PKN2: variants seen among roughly 807,000 people sequenced by gnomAD.
The protein encoded by PKN2 is serine/threonine-protein kinase N2.
PKN2 carries 38 observed loss-of-function variants against 119.1 expected under a neutral mutation model. The observed-to-expected ratio is 0.32, with a 90% CI of 0.25 to 0.42. The LOEUF is 0.42. PKN2 is among the 10% of genes least tolerant of loss of function. The pLI is 1.00. For missense variants in PKN2, 850 were observed against 1,165.1 expected (o/e 0.73, Z 3.94); for synonymous variants, 390 against 384.9 (o/e 1.01, Z -0.15).
intron 15 of PKN2, among the ~76,000 whole-genome samples, chr1:88,808,028 T>C (rs575716268): frequency 2.2e-4 from 34 of 152,288 alleles, no homozygotes; most frequent in African/African-American, 7.5e-4. Flanking sequence ...TTGTTAAGTT[T>C]TTTATATATG....
rs148906887 is a variant in PKN2 at position 88,833,547 on chromosome 1, TTTG to T, written c.*111_*113del. ...TGTGCCACCAATAGCTTCTGAGTTT[TTTG>T]TTGTTGTTGTTTTTATTGAAACACG... is the stretch of plus-strand genomic sequence containing the variant. On this transcript the variant is annotated 3_prime_UTR_variant, in exon 22 of 22. Coordinates refer to ENST00000370521, the MANE Select transcript of PKN2 (RefSeq NM_006256.4). The T allele has an allele frequency of 2.6e-3, 2,239 of 855,260 alleles. 27 individuals carry two copies. In the African/African-American group the frequency reaches 0.033, roughly 13 times the overall value. The allele number at this position is 855,260 out of a possible 1,614,324, so 53.0% of individuals were successfully genotyped here.
chr1:88,813,416 T>C, intron 15 of PKN2, 141 bp from the exon 16 acceptor site: 1 of 578,670 alleles, frequency 1.7e-6, no homozygotes, highest in African/African-American at 1.9e-5. Context: ...ATAGCACATA[T>C]AGCAAAACTA....
chr1:88,706,282 T>C (rs1427366270), intron 1 of PKN2, among the ~76,000 whole-genome samples: 3 of 152,222 alleles, frequency 2.0e-5, no homozygotes, highest in Admixed American at 6.5e-5. Context: ...TTTCTTTTTC[T>C]GATCATTCCT....
intron 20 of PKN2, 82 bp from the exon 21 acceptor site, chr1:88,832,995 A>G (rs1465294128): frequency 7.4e-7 from 1 of 1,349,420 alleles, no homozygotes; most frequent in East Asian, 2.5e-5. Flanking sequence ...AAATATATCT[A>G]AGTTTTTTAA....
intron 3 of PKN2, 113 bp from the exon 4 acceptor site, chr1:88,770,239 C>G (rs896522941): frequency 1.6e-6 from 1 of 619,504 alleles, no homozygotes; most frequent in African/African-American, 1.8e-5. Flanking sequence ...CAACAGCATT[C>G]TTTTAACTCT....
At chr1:88,820,872 A>G (rs544498223) in intron 16 of PKN2, among the ~76,000 whole-genome samples, 5 of 152,180 alleles carry the variant, frequency 3.3e-5, no homozygotes, top group Non-Finnish European at 5.9e-5. Context: ...AAATCTATTC[A>G]TTTATTTCCT....
In PKN2 at chr1:88,780,556, A is replaced by T. The variant is rs144566396; in HGVS notation, c.986-4083A>T. On this transcript the variant is annotated intron_variant, in intron 6 of 21. Coordinates refer to ENST00000370521, the MANE Select transcript of PKN2 (RefSeq NM_006256.4). ...TTTGCCTTAGTATTCATCTTCTTATATGTATTTTTAAATCAAAACTGGAAT... is the reference window on the plus strand; with the variant it reads ...TTTGCCTTAGTATTCATCTTCTTATTTGTATTTTTAAATCAAAACTGGAAT... Among the ~76,000 whole-genome samples, 98 of 152,244 alleles carry T rather than the reference A, an allele frequency of 6.4e-4. 1 individual carries two copies. The highest frequency in any genetic ancestry group is 1.2e-3 in the Non-Finnish European group (82 of 67,992).
chr1:88,730,111 G>T (rs772676937), intron 1 of PKN2, among the ~76,000 whole-genome samples: 1 of 151,978 alleles, frequency 6.6e-6, no homozygotes. Flanking sequence ...CTTGCAGTGA[G>T]CGGAGATTGT....
At chr1:88,832,607 ATTGTTG>A (rs3835587) in intron 19 of PKN2, 131 bp from the exon 20 acceptor site, 148 of 575,904 alleles carry the variant, frequency 2.6e-4, no homozygotes, top group Admixed American at 6.0e-4. Context: ...GCATGGGTTT[ATTGTTG>A]TTGTTGTTGT....
intron 1 of PKN2, among the ~76,000 whole-genome samples, chr1:88,700,091 T>C (rs575953181): frequency 6.6e-6 from 1 of 152,136 alleles, no homozygotes; most frequent in East Asian, 1.9e-4. Flanking sequence ...CTAATCTCAT[T>C]CCTTTTCATG....
intron 6 of PKN2, among the ~76,000 whole-genome samples, chr1:88,783,553 T>C (rs1390336881): frequency 1.3e-5 from 2 of 152,236 alleles, no homozygotes; most frequent in Non-Finnish European, 2.9e-5. Context: ...TTCAGTGTTA[T>C]TAAAAACAAT....
chr1:88,710,914 A>G (rs931450090), intron 1 of PKN2, among the ~76,000 whole-genome samples: 1 of 152,240 alleles, frequency 6.6e-6, no homozygotes, highest in African/African-American at 2.4e-5. Context: ...CCCACCAATA[A>G]TAGACTGGAT....
chr1:88,701,697 C>T (rs929209574), intron 1 of PKN2, among the ~76,000 whole-genome samples: 2 of 152,166 alleles, frequency 1.3e-5, no homozygotes, highest in Admixed American at 6.5e-5. Context: ...TTTGGGATTA[C>T]TGTAACTGGT....
chr1:88,770,576 A>AAT, intron 4 of PKN2, 107 bp downstream of exon 4: 1 of 587,944 alleles, frequency 1.7e-6, no homozygotes, highest in Non-Finnish European at 3.0e-6. Context: ...CATTACTATT[A>AAT]CTTTTTTTTT....
intron 1 of PKN2, among the ~76,000 whole-genome samples, chr1:88,724,882 G>GTTTTTTTTTTTTTTTTTTTTT (rs60507382): frequency 9.4e-6 from 1 of 106,012 alleles, no homozygotes; most frequent in African/African-American, 4.3e-5. Flanking sequence ...CCACCCCTTG[G>GTTTTTTTTTTTTTTTTTTTTT]TTTTTTTTTT....
intron 8 of PKN2, among the ~76,000 whole-genome samples, chr1:88,796,364 C>G (rs1178181155): frequency 6.6e-6 from 1 of 151,766 alleles, no homozygotes; most frequent in Non-Finnish European, 1.5e-5. Context: ...CTCCTTACAC[C>G]GAAACCCTTT....
At chr1:88,705,829 T>C (rs896874543) in intron 1 of PKN2, among the ~76,000 whole-genome samples, 6 of 152,078 alleles carry the variant, frequency 3.9e-5, no homozygotes, top group African/African-American at 1.4e-4. Context: ...TTATTATTTT[T>C]TTTTGCCAGT....
At chr1:88,799,803 C>T (rs1457821507) in intron 8 of PKN2, among the ~76,000 whole-genome samples, 2 of 152,146 alleles carry the variant, frequency 1.3e-5, no homozygotes, top group African/African-American at 4.8e-5. Flanking sequence ...GTTGGTTTAA[C>T]TTTAATCACA....
At chr1:88,707,204 A>T (rs903099226) in intron 1 of PKN2, among the ~76,000 whole-genome samples, 3 of 152,056 alleles carry the variant, frequency 2.0e-5, no homozygotes, top group African/African-American at 7.2e-5. Context: ...GTATTTTTTT[A>T]AAAATAAACG....
Sources: allele counts gnomAD v4.1 joint callset (sites outside exome capture counted in the v4.1 genomes callset), GRCh38; gene constraint gnomAD v4.1.1; transcripts MANE v1.5; gene names NCBI Gene and HGNC (gene_info 2026-07-23, HGNC 2026-07-21).